Variants in NFAT5 observed in about 807,000 individuals in gnomAD.
The protein encoded by NFAT5 is nuclear factor of activated T cells 5, also known as nuclear factor of activated T-cells 5.
NFAT5 carries 31 observed loss-of-function variants against 166.5 expected under a neutral mutation model. The observed-to-expected ratio is 0.19, with a 90% CI of 0.14 to 0.25. The LOEUF is 0.25. Ranked by LOEUF, NFAT5 falls within the 10% of genes least tolerant of loss-of-function variation. The pLI, the probability that NFAT5 is intolerant of heterozygous loss-of-function variation, is 1.00. For synonymous variants in NFAT5, 612 were observed against 639.7 expected (o/e 0.96, Z 0.65); for missense variants, 1,449 against 1,821.8 (o/e 0.80, Z 3.72).
chr16:69,670,161 A>G lies in NFAT5; in HGVS notation c.1504+50A>G, dbSNP rs1039205673. 5.6e-6 allele frequency: 9 copies of G among 1,593,402 alleles called. No individual in the cohort carries two copies. The Admixed American group carries it at 1.2e-4, about 22-fold the overall frequency. ...GATATTTGTATGTTTTCACTTTGTT[A>G]TATGGATATAGTCATAGCTACAGAG... On this transcript the variant is annotated intron_variant, in intron 8 of 14. Transcript: ENST00000349945.
rs1597318920 is a variant in NFAT5, at chr16:69,566,231, G to A, written c.-71G>A. The A allele has an allele frequency of 3.5e-6, 5 of 1,445,524 alleles. No homozygotes were observed. In the East Asian group the frequency reaches 7.4e-5, roughly 21 times the overall value. 89.5% of individuals were successfully genotyped at this position (1,445,524 alleles called of 1,614,324 possible). A position where few individuals can be genotyped will look rare whatever the true frequency, so the allele number is the denominator to read the frequency against. Reference sequence around the variant, plus strand: ...CCCCGGTTCGGTGCCCGCGGTCCCGGAGAGGAGGTGCCGCCGCCACCGCCG... The same window carrying A: ...CCCCGGTTCGGTGCCCGCGGTCCCGAAGAGGAGGTGCCGCCGCCACCGCCG... On this transcript the variant is annotated 5_prime_UTR_variant, in exon 1 of 15. Transcript: ENST00000349945. The surrounding 1 kb of genome is among the most constrained non-coding windows in gnomAD (Gnocchi z 5.7).
intron 7 of NFAT5, among the ~76,000 whole-genome samples, chr16:69,669,687 C>G (rs904908868): frequency 2.0e-5 from 3 of 152,204 alleles, no homozygotes; most frequent in African/African-American, 4.8e-5. Context: ...AAACAAAACT[C>G]AGTGGCTTAC....
At chr16:69,640,190 GTC>G (rs1245954037) in intron 3 of NFAT5, among the ~76,000 whole-genome samples, 1 of 152,136 alleles carries the variant, frequency 6.6e-6, no homozygotes, top group Non-Finnish European at 1.5e-5. Flanking sequence ...GTGTGACAGT[GTC>G]TGTCAATAGT....
At chr16:69,596,841 C>T (rs958918864) in intron 2 of NFAT5, among the ~76,000 whole-genome samples, 1 of 151,592 alleles carries the variant, frequency 6.6e-6, no homozygotes, top group Non-Finnish European at 1.5e-5. Flanking sequence ...GTGATTTCTT[C>T]CCTAATTGAG....
At chr16:69,644,932 G>A (rs13329844) in intron 3 of NFAT5, 74,383 of 431,830 alleles carry the variant, frequency 0.17, 7,073 homozygotes, top group East Asian at 0.37. Flanking sequence ...TGCAAATATT[G>A]CATGCTGCAT....
chr16:69,571,760 A>T (rs952087312), intron 2 of NFAT5, among the ~76,000 whole-genome samples: 1 of 150,728 alleles, frequency 6.6e-6, no homozygotes, highest in African/African-American at 2.4e-5. Flanking sequence ...ATTATTATTT[A>T]TTATTATTAT....
intron 2 of NFAT5, among the ~76,000 whole-genome samples, chr16:69,624,823 C>G (rs912351054): frequency 6.6e-6 from 1 of 151,386 alleles, no homozygotes; most frequent in Non-Finnish European, 1.5e-5. Context: ...TCTTGGCATA[C>G]TAGGCAAGTC....
intron 10 of NFAT5, among the ~76,000 whole-genome samples, chr16:69,680,143 G>A (rs550344483): frequency 6.6e-6 from 1 of 152,084 alleles, no homozygotes; most frequent in East Asian, 1.9e-4. Context: ...GAAAATTAAT[G>A]ATAGTTAAAG....
At chr16:69,650,508 C>G (rs749437616) in intron 4 of NFAT5, among the ~76,000 whole-genome samples, 2 of 152,076 alleles carry the variant, frequency 1.3e-5, no homozygotes, top group Non-Finnish European at 2.9e-5. Flanking sequence ...TGTATACTCA[C>G]TCAATACTTC....
chr16:69,691,140 T>TTACTTTTCC, intron 12 of NFAT5, 52 bp downstream of exon 12: 1 of 1,398,908 alleles, frequency 7.1e-7, no homozygotes, highest in Non-Finnish European at 9.5e-7. Context: ...TTGCTGTCTT[T>TTACTTTTCC]TACTTTTCCT....
chr16:69,695,423 T>A (rs1331458155), intron 14 of NFAT5, 44 bp downstream of exon 14: 22 of 1,370,950 alleles, frequency 1.6e-5, no homozygotes, highest in Non-Finnish European at 2.2e-5. Context: ...CATCAGATTT[T>A]ATTCTTCTTA....
chr16:69,652,776 C>G (rs28419231), intron 4 of NFAT5, among the ~76,000 whole-genome samples: 2 of 102,426 alleles, frequency 2.0e-5, no homozygotes, highest in Non-Finnish European at 4.0e-5. Flanking sequence ...ACCCTCACTT[C>G]TTTTACTGTG....
chr16:69,628,416 T>C (rs554929599), intron 3 of NFAT5, among the ~76,000 whole-genome samples: 1 of 152,254 alleles, frequency 6.6e-6, no homozygotes, highest in Non-Finnish European at 1.5e-5. Flanking sequence ...CTTTCTAGTT[T>C]TGTTATAGTC....
chr16:69,683,221 AAAG>A (rs1413512698), intron 10 of NFAT5, among the ~76,000 whole-genome samples: 1 of 151,606 alleles, frequency 6.6e-6, no homozygotes, highest in East Asian at 2.0e-4. Flanking sequence ...CAAAAGAAAA[AAAG>A]AAGAAAAAAG....
intron 2 of NFAT5, among the ~76,000 whole-genome samples, chr16:69,597,828 C>T (rs1351081504): frequency 2.0e-5 from 3 of 152,090 alleles, no homozygotes; most frequent in South Asian, 2.1e-4. Flanking sequence ...CTCCTGACCT[C>T]GTGATCCACC....
chr16:69,646,901 TA>T (rs2151620900), intron 3 of NFAT5, 126 bp from the exon 4 acceptor site: 1 of 823,618 alleles, frequency 1.2e-6, no homozygotes, highest in Admixed American at 2.6e-5. Flanking sequence ...TTCTAAAACA[TA>T]ACCAAATTCT....
intron 2 of NFAT5, among the ~76,000 whole-genome samples, chr16:69,587,970 T>G (rs80222682): frequency 1.2e-3 from 166 of 138,920 alleles, no homozygotes; most frequent in Non-Finnish European, 2.2e-3. Context: ...TTTTTTTTTT[T>G]GGGACAGAGT....
chr16:69,634,574 G>A (rs1454282687), intron 3 of NFAT5, among the ~76,000 whole-genome samples: 1 of 151,992 alleles, frequency 6.6e-6, no homozygotes. Flanking sequence ...AGCCCACTCA[G>A]GTAGAATTTA....
chr16:69,613,436 A>T (rs2033796101), intron 2 of NFAT5, among the ~76,000 whole-genome samples: 1 of 152,198 alleles, frequency 6.6e-6, no homozygotes, highest in Non-Finnish European at 1.5e-5. Context: ...CTTACTGCTT[A>T]GCATGATACA....
Sources: allele counts gnomAD v4.1 joint callset (sites outside exome capture counted in the v4.1 genomes callset), GRCh38; gene constraint gnomAD v4.1.1; non-coding constraint Gnocchi (gnomAD v3.1); transcripts MANE v1.5; gene names NCBI Gene and HGNC (gene_info 2026-07-23, HGNC 2026-07-21).